Variants in DIP2C observed in about 807,000 individuals in gnomAD.
The protein encoded by DIP2C is disco-interacting protein 2 homolog C.
DIP2C carries 33 observed loss-of-function variants against 192.4 expected under a neutral mutation model. The ratio of observed to expected loss-of-function variants is 0.17; its 90% CI spans 0.13 to 0.23. The LOEUF is 0.23. Among genes scored for constraint, DIP2C ranks in the 10% least tolerant of loss-of-function variants. The probability of loss-of-function intolerance (pLI) is 1.00; values close to 1 mark genes in which losing one functional copy is unlikely to be tolerated. For synonymous variants in DIP2C, 979 were observed against 864.1 expected (o/e 1.13, Z -2.33); for missense variants, 1,537 against 2,110.1 (o/e 0.73, Z 5.32).
At chr10:487,508 G>A (rs1427135020) in intron 1 of DIP2C, among the ~76,000 whole-genome samples, 2 of 147,478 alleles carry the variant, frequency 1.4e-5, no homozygotes, top group South Asian at 2.2e-4. Context: ...CAAGGCTGAC[G>A]TCTCAACACG....
intron 15 of DIP2C, 112 bp from the exon 16 acceptor site, chr10:384,258 A>T: frequency 4.8e-6 from 3 of 626,238 alleles, no homozygotes; most frequent in Non-Finnish European, 7.6e-6. Context: ...CTGGTCACCC[A>T]GCCCCCACAA....
At chr10:556,512 G>A (rs1485338729) in intron 1 of DIP2C, among the ~76,000 whole-genome samples, 2 of 150,460 alleles carry the variant, frequency 1.3e-5, no homozygotes, top group Admixed American at 6.6e-5. Context: ...AGGACATTTT[G>A]GAGGTTCCTC....
At chr10:539,533 C>T (rs796383217) in intron 1 of DIP2C, among the ~76,000 whole-genome samples, 1 of 152,168 alleles carries the variant, frequency 6.6e-6, no homozygotes, top group South Asian at 2.1e-4. Context: ...GGCAGTCCTG[C>T]AACCCACCCC....
At chr10:303,673 G>GCCA (rs997552744) in intron 32 of DIP2C, among the ~76,000 whole-genome samples, 4 of 151,886 alleles carry the variant, frequency 2.6e-5, no homozygotes, top group Admixed American at 1.3e-4. Flanking sequence ...ACAGGCATGC[G>GCCA]CCACCACGCC....
chr10:496,598 T>C (rs1844854609), intron 1 of DIP2C, among the ~76,000 whole-genome samples: 1 of 148,864 alleles, frequency 6.7e-6, no homozygotes, highest in Non-Finnish European at 1.5e-5. Context: ...ACTTAAAATC[T>C]GTACATTACT....
intron 1 of DIP2C, among the ~76,000 whole-genome samples, chr10:559,090 A>G (rs1160303214): frequency 6.6e-6 from 1 of 152,250 alleles, no homozygotes; most frequent in African/African-American, 2.4e-5. Flanking sequence ...GAGTCACACA[A>G]GCACATTAAA....
At chr10:493,587 G>A (rs974245837) in intron 1 of DIP2C, among the ~76,000 whole-genome samples, 3 of 152,114 alleles carry the variant, frequency 2.0e-5, no homozygotes, top group Admixed American at 6.5e-5. Context: ...GATGGCCGCC[G>A]TGGGCCTCAT....
chr10:388,834 G>A (rs949057365), intron 13 of DIP2C, among the ~76,000 whole-genome samples: 3 of 152,264 alleles, frequency 2.0e-5, no homozygotes, highest in Non-Finnish European at 4.4e-5. Context: ...AGGCAGGGGT[G>A]CACGCCGCAG....
In DIP2C at chr10:536,749, G is replaced by C. The variant is rs546965095; in HGVS notation, c.86-50219C>G. ...TTTTTGGAAGCCTAAGCTATGACTC[G>C]GTTTTAACTGATTAAACCTTCTTTC... On this transcript the variant is annotated intron_variant, in intron 1 of 36. Coordinates refer to ENST00000280886, the MANE Select transcript of DIP2C (RefSeq NM_014974.3). Among the ~76,000 whole-genome samples the C allele has an allele frequency of 1.1e-4, 17 of 152,298 alleles. No individual in the cohort carries two copies. In the East Asian group the frequency reaches 2.9e-3, roughly 26 times the overall value.
chr10:644,482 TGGGAGC>T (rs1233029729), intron 1 of DIP2C, among the ~76,000 whole-genome samples: 2 of 152,398 alleles, frequency 1.3e-5, no homozygotes, highest in Middle Eastern at 3.4e-3. Flanking sequence ...AGGCGCGTCC[TGGGAGC>T]GCGGCTTCTT....
chr10:574,977 C>G (rs1850060910), intron 1 of DIP2C, among the ~76,000 whole-genome samples: 1 of 152,184 alleles, frequency 6.6e-6, no homozygotes, highest in African/African-American at 2.4e-5. Flanking sequence ...AGTGACTGCT[C>G]TGCCCACGAG....
chr10:610,993 CT>C (rs1168500173), intron 1 of DIP2C, among the ~76,000 whole-genome samples: 3 of 144,002 alleles, frequency 2.1e-5, no homozygotes, highest in African/African-American at 7.9e-5. Context: ...GGGGTGCTTT[CT>C]AACCCCCCAG....
rs186922826 is a variant in DIP2C, at chr10:289,775, G to A, written c.3987-1354C>T. ...GCACGAGGGAGGCCACGGAGGGTGC[G>A]CACCCCTCTGGGAATGGGGGTGTTT... On this transcript the variant is annotated intron_variant, in intron 32 of 36. Coordinates refer to ENST00000280886, the MANE Select transcript of DIP2C (RefSeq NM_014974.3). 3.7e-4 allele frequency among the ~76,000 whole-genome samples: 57 copies of A among 152,298 alleles called. 1 individual carries two copies. In the East Asian group the frequency reaches 7.0e-3, roughly 19 times the overall value.
chr10:657,274 C>T (rs1159245844), intron 1 of DIP2C, among the ~76,000 whole-genome samples: 5 of 23,882 alleles, frequency 2.1e-4, no homozygotes, highest in South Asian at 3.2e-3. Flanking sequence ...CCTGGACCTG[C>T]CCCTGGACCT....
intron 1 of DIP2C, among the ~76,000 whole-genome samples, chr10:614,503 C>G (rs559497465): frequency 1.3e-5 from 2 of 152,326 alleles, no homozygotes; most frequent in East Asian, 3.9e-4. Context: ...GGGATCCCCC[C>G]ACGAGGCTCT....
chr10:283,804 C>A (rs528352678), intron 34 of DIP2C, among the ~76,000 whole-genome samples: 47 of 152,158 alleles, frequency 3.1e-4, no homozygotes, highest in Non-Finnish European at 3.8e-4. Context: ...TTCTAAAGAG[C>A]AAGAACAATG....
intron 26 of DIP2C, among the ~76,000 whole-genome samples, chr10:347,505 A>G (rs1466442327): frequency 1.9e-5 from 2 of 103,720 alleles, no homozygotes; most frequent in Non-Finnish European, 3.8e-5. Flanking sequence ...CATTGCGCAT[A>G]GTTCTCCCGG....
At chr10:288,522 G>T in intron 32 of DIP2C, 101 bp from the exon 33 acceptor site, 2 of 1,268,736 alleles carry the variant, frequency 1.6e-6, no homozygotes, top group Non-Finnish European at 2.3e-6. Context: ...GTCCGGGAAA[G>T]CTGATTCTGA....
chr10:607,023 G>A (rs1852540568), intron 1 of DIP2C, among the ~76,000 whole-genome samples: 2 of 152,186 alleles, frequency 1.3e-5, no homozygotes, highest in African/African-American at 4.8e-5. Flanking sequence ...CATCACTTAG[G>A]AACCAAGACC....
Sources: allele counts gnomAD v4.1 joint callset (sites outside exome capture counted in the v4.1 genomes callset), GRCh38; gene constraint gnomAD v4.1.1; transcripts MANE v1.5; gene names NCBI Gene and HGNC (gene_info 2026-07-23, HGNC 2026-07-21).